The following GPRIN3 variants were observed in gnomAD, a reference collection of about 807,000 sequenced individuals.
GPRIN3 encodes the protein GPRIN family member 3.
GPRIN3 carries 12 observed loss-of-function variants against 13.7 expected under a neutral mutation model. The observed-to-expected ratio is 0.87, with a 90% CI of 0.56 to 1.42. The LOEUF is 1.42. GPRIN3 is among the 40% of genes most tolerant of loss of function. The pLI, the probability that GPRIN3 is intolerant of heterozygous loss-of-function variation, is 0.00. For missense variants in GPRIN3, 1,009 were observed against 958.7 expected, an observed-to-expected ratio of 1.05 and a Z score of -0.69; for synonymous variants, 377 against 372.7, an observed-to-expected ratio of 1.01 and a Z score of -0.13.
At chr4:89,285,938 T>C (rs1724399876) in intron 1 of GPRIN3, among the ~76,000 whole-genome samples, 1 of 152,220 alleles carries the variant, frequency 6.6e-6, no homozygotes, top group Non-Finnish European at 1.5e-5. Flanking sequence ...GTTCTTCATT[T>C]GGATTAATCA....
At chr4:89,261,898 G>A (rs927617424) in intron 1 of GPRIN3, among the ~76,000 whole-genome samples, 3 of 152,024 alleles carry the variant, frequency 2.0e-5, no homozygotes, top group Admixed American at 1.3e-4. Flanking sequence ...GATAGCCTGA[G>A]CTTAGGAGTT....
At chr4:89,301,028 T>C (rs938108725) in intron 1 of GPRIN3, among the ~76,000 whole-genome samples, 3 of 152,180 alleles carry the variant, frequency 2.0e-5, no homozygotes, top group Non-Finnish European at 4.4e-5. Context: ...TATGACTAAG[T>C]ATAAATTTAA....
chr4:89,275,019 G>A (rs1724054118), intron 1 of GPRIN3, among the ~76,000 whole-genome samples: 1 of 152,156 alleles, frequency 6.6e-6, no homozygotes, highest in Non-Finnish European at 1.5e-5. Context: ...CACCAAATAT[G>A]AACACTGAGG....
intron 1 of GPRIN3, among the ~76,000 whole-genome samples, chr4:89,277,567 C>T (rs1724129630): frequency 1.3e-5 from 2 of 152,212 alleles, no homozygotes; most frequent in Admixed American, 1.3e-4. Flanking sequence ...CATGTCTTCC[C>T]CGTCTGCCAA....
At chr4:89,263,301 T>C (rs541654814) in intron 1 of GPRIN3, among the ~76,000 whole-genome samples, 102 of 152,344 alleles carry the variant, frequency 6.7e-4, no homozygotes, top group Middle Eastern at 6.8e-3. Flanking sequence ...AAAATGTCCT[T>C]CACTATCTGA....
intron 1 of GPRIN3, among the ~76,000 whole-genome samples, chr4:89,298,294 A>G (rs942533219): frequency 6.6e-6 from 1 of 152,120 alleles, no homozygotes; most frequent in African/African-American, 2.4e-5. Flanking sequence ...TTTCTACAAC[A>G]TTAAGGAAGT....
At position 89,296,630 on chromosome 4, in the gene GPRIN3, C is replaced by T. The variant is rs555653394; in HGVS notation, c.-124+10985G>A. Among the ~76,000 whole-genome samples, 310 of 127,458 alleles carry T rather than the reference C, an allele frequency of 2.4e-3. 2 individuals are homozygous for T. Among genetic ancestry groups the T allele is most frequent in the African/African-American group, 6.9e-3 (282 of 40,882 alleles). 83.6% of individuals were successfully genotyped at this position (127,458 alleles called of 152,430 possible). A position where few individuals can be genotyped will look rare whatever the true frequency, so the allele number is the denominator to read the frequency against. ...AAGTCCATAGGCAGTTAAATAAAGACACATGTTTGTTTTTTCTTGTTTGTG... is the reference window on the plus strand; with the variant it reads ...AAGTCCATAGGCAGTTAAATAAAGATACATGTTTGTTTTTTCTTGTTTGTG... On this transcript the variant is annotated intron_variant, in intron 1 of 1. Transcript: ENST00000609438.
chr4:89,292,866 A>G (rs1724615110), intron 1 of GPRIN3, among the ~76,000 whole-genome samples: 1 of 152,234 alleles, frequency 6.6e-6, no homozygotes, highest in Non-Finnish European at 1.5e-5. Flanking sequence ...AGAAATCTAA[A>G]AATAGAGATT....
At chr4:89,295,264 T>C (rs1443764285) in intron 1 of GPRIN3, among the ~76,000 whole-genome samples, 1 of 152,206 alleles carries the variant, frequency 6.6e-6, no homozygotes, top group East Asian at 1.9e-4. Context: ...ACGTGAGCCT[T>C]GATAATGCAT....
At chr4:89,297,293 T>C (rs1724764899) in intron 1 of GPRIN3, among the ~76,000 whole-genome samples, 1 of 152,216 alleles carries the variant, frequency 6.6e-6, no homozygotes, top group Non-Finnish European at 1.5e-5. Context: ...CCTTCACTCA[T>C]TTCCTTTGGA....
At chr4:89,270,600 T>TATATATATATATATAA (rs1328112008) in intron 1 of GPRIN3, among the ~76,000 whole-genome samples, 3 of 120,590 alleles carry the variant, frequency 2.5e-5, no homozygotes, top group East Asian at 2.4e-4. Context: ...TATATATATA[T>TATATATATATATATAA]AAAATATAGA....
At position 89,248,865 on chromosome 4, in the gene GPRIN3, C is replaced by T. The variant is rs1039076735; in HGVS notation, c.1246G>A (p.Gly416Arg). The T allele has an allele frequency of 1.2e-6, 2 of 1,614,164 alleles. No homozygotes were observed. Among genetic ancestry groups the T allele is most frequent in the African/African-American group, 1.3e-5 (1 of 75,036 alleles). ...TTGATTGATGAGGTTTTAAGGACCCCACCTGGTAGGCTCGCAAGTTTATTT... is the reference window on the plus strand; with the variant it reads ...TTGATTGATGAGGTTTTAAGGACCCTACCTGGTAGGCTCGCAAGTTTATTT... ...RENKLASLPG[G>R]VLKTSSINLV... The change falls in exon 2 of 2, where the codon GGG becomes AGG. Residue 416 changes from glycine (G) to arginine (R), a missense_variant. Transcript: ENST00000609438.
At position 89,241,694 on chromosome 4, in the gene GPRIN3, G is replaced by A. The variant is rs1722951097; in HGVS notation, c.*6086C>T. 6.6e-6 allele frequency: 1 copy of A among 151,870 alleles called. No homozygotes were observed. The highest frequency in any genetic ancestry group is 1.5e-5 in the Non-Finnish European group (1 of 67,964). The allele number at this position is 151,870 out of a possible 1,614,324, so 9.4% of individuals were successfully genotyped here. On this transcript the variant is annotated 3_prime_UTR_variant, in exon 2 of 2. Coordinates refer to ENST00000609438, the MANE Select transcript of GPRIN3 (RefSeq NM_198281.3). ...TACCAGCATCATTTTAAGACACGAT[G>A]GAAAACATTAGGAAAAATAAGTTAC...
intron 1 of GPRIN3, among the ~76,000 whole-genome samples, chr4:89,260,571 A>G (rs1468022443): frequency 6.6e-6 from 1 of 152,256 alleles, no homozygotes; most frequent in Non-Finnish European, 1.5e-5. Context: ...GACAAATTCA[A>G]TAAGAAGCTA....
At chr4:89,264,468 A>G (rs1723730127) in intron 1 of GPRIN3, among the ~76,000 whole-genome samples, 1 of 152,226 alleles carries the variant, frequency 6.6e-6, no homozygotes, top group African/African-American at 2.4e-5. Context: ...GTATTCCTTT[A>G]TAACAACACA....
At chr4:89,288,272 C>T (rs1204265705) in intron 1 of GPRIN3, among the ~76,000 whole-genome samples, 1 of 152,140 alleles carries the variant, frequency 6.6e-6, no homozygotes, top group Non-Finnish European at 1.5e-5. Flanking sequence ...CCAACTAGCT[C>T]TTGCTTGGCT....
rs1274591365 is a variant in GPRIN3 at position 89,245,418 on chromosome 4, T to C, written c.*2362A>G. On this transcript the variant is annotated 3_prime_UTR_variant, in exon 2 of 2. Coordinates refer to ENST00000609438, the MANE Select transcript of GPRIN3 (RefSeq NM_198281.3). Reference sequence around the variant, plus strand: ...ACAATAGCAAATCTAGCAATTTTAATGTATTTAATGTGAGACAAATGCCAA... The same window carrying C: ...ACAATAGCAAATCTAGCAATTTTAACGTATTTAATGTGAGACAAATGCCAA... 6.6e-6 allele frequency: 1 copy of C among 152,266 alleles called. No individual in the cohort carries two copies. Among genetic ancestry groups the C allele is most frequent in the Non-Finnish European group, 1.5e-5 (1 of 68,042 alleles). 9.4% of individuals were successfully genotyped at this position (152,266 alleles called of 1,614,324 possible).
rs1186090612 is a variant in GPRIN3 at position 89,240,430 on chromosome 4, G to A, written c.*7350C>T. 1 of 152,066 alleles carries A rather than the reference G, an allele frequency of 6.6e-6. No homozygotes were observed. Among genetic ancestry groups the A allele is most frequent in the Non-Finnish European group, 1.5e-5 (1 of 68,008 alleles). 9.4% of individuals were successfully genotyped at this position (152,066 alleles called of 1,614,324 possible). A position where few individuals can be genotyped will look rare whatever the true frequency, so the allele number is the denominator to read the frequency against. ...CTGAGCTCAAGAGAAGAATGCCTGT[G>A]ATCATATCCACTTTGAGTGATTATA... On this transcript the variant is annotated 3_prime_UTR_variant, in exon 2 of 2. Coordinates refer to ENST00000609438, the MANE Select transcript of GPRIN3 (RefSeq NM_198281.3).
intron 1 of GPRIN3, among the ~76,000 whole-genome samples, chr4:89,252,126 C>A (rs1206496623): frequency 6.6e-6 from 1 of 151,982 alleles, no homozygotes; most frequent in Admixed American, 6.6e-5. Context: ...GTGAATGCCA[C>A]CATGCTCAGC....
Sources: allele counts gnomAD v4.1 joint callset (sites outside exome capture counted in the v4.1 genomes callset), GRCh38; gene constraint gnomAD v4.1.1; transcripts MANE v1.5; gene names NCBI Gene and HGNC (gene_info 2026-07-23, HGNC 2026-07-21).